Variants in AP3B1 observed in about 807,000 individuals in gnomAD.
The protein encoded by AP3B1 is adaptor related protein complex 3 subunit beta 1.
In AP3B1, 61 loss-of-function variants were observed where a neutral mutation model predicts 132.5. The ratio of observed to expected loss-of-function variants is 0.46; its 90% CI spans 0.37 to 0.57. The LOEUF is 0.57. AP3B1 is among the 20% of genes least tolerant of loss of function. The pLI, the probability that AP3B1 is intolerant of heterozygous loss-of-function variation, is 0.00. For synonymous variants in AP3B1, 388 were observed against 438.3 expected (o/e 0.89, Z 1.43); for missense variants, 1,120 against 1,289.4 (o/e 0.87, Z 2.01).
At position 78,002,938 on chromosome 5, in the gene AP3B1, C is replaced by A; in HGVS notation, c.3249G>T (p.Leu1083=). The change falls in exon 27 of 27, where the codon CTG becomes CTT. Residue 1083 remains leucine (L), a synonymous_variant. Transcript: ENST00000255194. ...NTEKTVIGSV[L]LRELKPVLSQ... is the part of the protein sequence containing the mutation. ...ACAGGACAGGCTTCAGTTCCCGCAG[C>A]AGAACAGAGCCAATCACAGTTTTCT... 6.2e-7 allele frequency: 1 copy of A among 1,614,172 alleles called. No homozygotes were observed. Among genetic ancestry groups the A allele is most frequent in the Non-Finnish European group, 8.5e-7 (1 of 1,180,028 alleles).
At chr5:78,027,750 A>G (rs947875161) in intron 24 of AP3B1, among the ~76,000 whole-genome samples, 1 of 152,014 alleles carries the variant, frequency 6.6e-6, no homozygotes, top group Non-Finnish European at 1.5e-5. Context: ...TTTTCTCTCT[A>G]CATAAGTATT....
At chr5:78,230,897 C>G (rs1746619788) in intron 3 of AP3B1, among the ~76,000 whole-genome samples, 2 of 152,052 alleles carry the variant, frequency 1.3e-5, no homozygotes, top group Non-Finnish European at 2.9e-5. Flanking sequence ...ACGAGCGGAT[C>G]ACCTGAGGTC....
intron 24 of AP3B1, among the ~76,000 whole-genome samples, chr5:78,024,310 A>G (rs1747234821): frequency 6.6e-6 from 1 of 152,338 alleles, no homozygotes; most frequent in East Asian, 1.9e-4. Flanking sequence ...AAAGTTCTCC[A>G]AAGTCAGAGG....
chr5:78,110,265 G>C lies in AP3B1; in HGVS notation c.2339C>G (p.Ser780Cys). ...AGGTTCTGACTCTGATTCAGAATCG[G>C]AAGAACTGTCTTCTATTGAACTAGA... ...DESSSIEDSS[S>C]DSESESEPES... is the part of the protein sequence containing the mutation. Residue 780 changes from serine (S) to cysteine (C), a missense_variant, in exon 20 of 27, where the codon TCC (serine) becomes TGC (cysteine). Physicochemically the swap from Ser to Cys is moderately radical, Grantham distance 112. This residue lies in a region of AP3B1 where 906 missense variants were observed against 997.1 expected (regional missense o/e 0.91). Transcript: ENST00000255194. 6.2e-7 allele frequency: 1 copy of C among 1,609,292 alleles called. No homozygotes were observed. Among genetic ancestry groups the C allele is most frequent in the Non-Finnish European group, 8.5e-7 (1 of 1,177,096 alleles).
In AP3B1 at chr5:78,159,232, G is replaced by T. The variant is rs374657088; in HGVS notation, c.1364-2865C>A. Among the ~76,000 whole-genome samples, 14 of 152,246 alleles carry T rather than the reference G, an allele frequency of 9.2e-5. No individual in the cohort carries two copies. The East Asian group carries it at 1.5e-3, about 17-fold the overall frequency. ...ACTAGCCTAAGTAAGAGAAAAAAAT[G>T]TTGCATAATTTAATTATCTACAAGC... On this transcript the variant is annotated intron_variant, in intron 13 of 26. Transcript: ENST00000255194.
At position 78,128,169 on chromosome 5, in the gene AP3B1, A is replaced by C. The variant is rs749088677; in HGVS notation, c.1838-9T>G. The C allele has an allele frequency of 6.3e-7, 1 of 1,580,834 alleles. No individual in the cohort carries two copies. Among genetic ancestry groups the C allele is most frequent in the Non-Finnish European group, 8.7e-7 (1 of 1,152,328 alleles). ...CTGGAAATGATCTCTATCTATTAAA[A>C]ATAGGGAAAAATATAAAATAAACAA... On this transcript the variant is annotated splice_polypyrimidine_tract_variant and intron_variant, in intron 16 of 26. Transcript: ENST00000255194.
At chr5:78,166,148 C>T (rs1743618538) in intron 11 of AP3B1, among the ~76,000 whole-genome samples, 1 of 144,682 alleles carries the variant, frequency 6.9e-6, no homozygotes, top group Non-Finnish European at 1.6e-5. Context: ...CACACACACA[C>T]ACACACACAC....
rs535662018 is a variant in AP3B1, at chr5:78,113,997, A to C, written c.2078-74T>G. On this transcript the variant is annotated intron_variant, in intron 18 of 26. Coordinates refer to ENST00000255194, the MANE Select transcript of AP3B1 (RefSeq NM_003664.5). ...CACACGGACACCTGTAACTGTCAAT[A>C]TTCATCACAAATGAAACCAGATGTT... 2.7e-5 allele frequency: 41 copies of C among 1,507,306 alleles called. No homozygotes were observed. In the African/African-American group the frequency reaches 5.5e-4, roughly 20 times the overall value. 93.4% of individuals were successfully genotyped at this position (1,507,306 alleles called of 1,614,324 possible). A position where few individuals can be genotyped will look rare whatever the true frequency, so the allele number is the denominator to read the frequency against.
chr5:78,219,223 CAG>C (rs1217088741), intron 6 of AP3B1, among the ~76,000 whole-genome samples: 9 of 151,968 alleles, frequency 5.9e-5, no homozygotes, highest in Non-Finnish European at 1.3e-4. Flanking sequence ...TGTTTTCTAT[CAG>C]AAAGTTCGAT....
chr5:78,166,310 A>G (rs933479514), intron 11 of AP3B1, among the ~76,000 whole-genome samples: 4 of 152,188 alleles, frequency 2.6e-5, no homozygotes, highest in African/African-American at 9.7e-5. Flanking sequence ...CTACATCTTC[A>G]CTAATTGTCT....
In AP3B1 at chr5:78,049,418, C is replaced by T. The variant is rs76746138; in HGVS notation, c.2578-10144G>A. Reference sequence around the variant, plus strand: ...ATAACATTTATTCAATGAGTTGTACCAGCCCTGTGCTAAGGAGTATGATAC... The same window carrying T: ...ATAACATTTATTCAATGAGTTGTACTAGCCCTGTGCTAAGGAGTATGATAC... On this transcript the variant is annotated intron_variant, in intron 22 of 26. Coordinates refer to ENST00000255194, the MANE Select transcript of AP3B1 (RefSeq NM_003664.5). Among the ~76,000 whole-genome samples the T allele has an allele frequency of 9.1e-3, 1,392 of 152,138 alleles. 31 individuals are homozygous for T. The highest frequency in any genetic ancestry group is 0.032 in the African/African-American group (1,340 of 41,514).
chr5:78,186,339 T>C (rs1744604778), intron 7 of AP3B1, among the ~76,000 whole-genome samples: 1 of 152,214 alleles, frequency 6.6e-6, no homozygotes, highest in African/African-American at 2.4e-5. Flanking sequence ...CAATGAAGGT[T>C]ATATACCATA....
chr5:78,265,263 C>A, intron 2 of AP3B1, among the ~76,000 whole-genome samples: 1 of 151,944 alleles, frequency 6.6e-6, no homozygotes, highest in Non-Finnish European at 1.5e-5. Flanking sequence ...ATAGCAAGAC[C>A]CTGTCTCTAC....
intron 20 of AP3B1, among the ~76,000 whole-genome samples, chr5:78,109,917 T>C (rs1006194665): frequency 4.6e-5 from 7 of 152,286 alleles, no homozygotes; most frequent in Admixed American, 4.6e-4. Context: ...CACTTATAAT[T>C]CTTTGCTCAA....
At chr5:78,201,627 C>G (rs1197461092) in intron 7 of AP3B1, among the ~76,000 whole-genome samples, 2 of 152,264 alleles carry the variant, frequency 1.3e-5, no homozygotes, top group African/African-American at 4.8e-5. Context: ...TCTTTGTTAT[C>G]AGTAAACAAT....
chr5:78,032,179 ATAATGATATAGAAT>A (rs1747608444), intron 24 of AP3B1, among the ~76,000 whole-genome samples: 1 of 152,230 alleles, frequency 6.6e-6, no homozygotes, highest in Non-Finnish European at 1.5e-5. Context: ...AGATACAATT[ATAATGATATAGAAT>A]TAATCCAGAA....
At chr5:78,036,716 C>T (rs1747824447) in intron 23 of AP3B1, among the ~76,000 whole-genome samples, 1 of 152,192 alleles carries the variant, frequency 6.6e-6, no homozygotes, top group Non-Finnish European at 1.5e-5. Context: ...TTGCACATTA[C>T]AGACAAAACC....
At chr5:78,123,486 C>G (rs1336563095) in intron 17 of AP3B1, among the ~76,000 whole-genome samples, 2 of 151,800 alleles carry the variant, frequency 1.3e-5, no homozygotes, top group African/African-American at 4.8e-5. Context: ...ACAATGAACT[C>G]AAACAAATTT....
At chr5:78,188,224 T>C (rs993801394) in intron 7 of AP3B1, among the ~76,000 whole-genome samples, 2 of 152,044 alleles carry the variant, frequency 1.3e-5, no homozygotes, top group Non-Finnish European at 2.9e-5. Context: ...AAAGCAAAAA[T>C]TGACAAATGG....
Sources: gnomAD v4.1 joint callset for allele counts (sites outside exome capture counted in the v4.1 genomes callset) on GRCh38, gnomAD v4.1.1 for gene constraint, gnomAD v4.1.1 regional missense constraint, MANE v1.5 for transcripts, NCBI Gene and HGNC (gene_info 2026-07-23, HGNC 2026-07-21) for gene names.